The following CAST variants were observed in gnomAD, a reference collection of about 807,000 sequenced individuals.
The protein encoded by CAST is MIR583 host.
Under a neutral mutation model 119.6 loss-of-function variants are expected in CAST, and 76 were observed. The ratio of observed to expected loss-of-function variants is 0.64; its 90% CI spans 0.53 to 0.77. The LOEUF is 0.77. Ranked by LOEUF, CAST falls within the 30% of genes least tolerant of loss-of-function variation. The pLI, the probability that CAST is intolerant of heterozygous loss-of-function variation, is 0.00. For missense variants in CAST, 953 were observed against 946.5 expected (o/e 1.01, Z -0.09); for synonymous variants, 319 against 331.6 (o/e 0.96, Z 0.41).
At chr5:96,410,938 C>T in the CAST span, 5 of 1,613,992 alleles carry the variant, frequency 3.1e-6, no homozygotes, top group African/African-American at 2.7e-5. Flanking sequence ...CCCTGACGCC[C>T]CCCGTTTCCC....
At chr5:96,537,039 T>C (rs1490567493) in intron 1 of CAST, among the ~76,000 whole-genome samples, 1 of 152,226 alleles carries the variant, frequency 6.6e-6, no homozygotes, top group African/African-American at 2.4e-5. Context: ...TTATGTATGG[T>C]CTTGGAGAAA....
chr5:96,110,005 A>G, the CAST span, among the ~76,000 whole-genome samples: 2 of 152,176 alleles, frequency 1.3e-5, no homozygotes, highest in Non-Finnish European at 2.9e-5. Context: ...TTCGGAGTGA[A>G]TGCAAGAAAC....
At chr5:96,255,381 A>G in the CAST span, among the ~76,000 whole-genome samples, 1 of 152,194 alleles carries the variant, frequency 6.6e-6, no homozygotes, top group Non-Finnish European at 1.5e-5. Flanking sequence ...CTTGCTGAAA[A>G]GACGAAAAGT....
At chr5:96,586,477 C>G (rs1337131406) in intron 1 of CAST, among the ~76,000 whole-genome samples, 1 of 152,208 alleles carries the variant, frequency 6.6e-6, no homozygotes, top group African/African-American at 2.4e-5. Context: ...GTTATAGCCA[C>G]AAGACAGAAG....
At chr5:96,452,665 AAG>A in the CAST span, among the ~76,000 whole-genome samples, 4 of 140,060 alleles carry the variant, frequency 2.9e-5, no homozygotes, top group Non-Finnish European at 4.7e-5. Flanking sequence ...AAAAAAAAAA[AAG>A]AGGCCGGGCG....
chr5:96,292,799 A>G, the CAST span, among the ~76,000 whole-genome samples: 1 of 152,210 alleles, frequency 6.6e-6, no homozygotes, highest in Non-Finnish European at 1.5e-5. Flanking sequence ...GAGTCAACAC[A>G]GAGGAAGTGG....
chr5:96,642,691 G>A (rs575804032), intron 1 of CAST, among the ~76,000 whole-genome samples: 4 of 151,950 alleles, frequency 2.6e-5, no homozygotes, highest in South Asian at 2.1e-4. Flanking sequence ...ACAGGCACCC[G>A]GCACCACGCC....
At chr5:96,530,351 T>G (rs1047372841) in intron 1 of CAST, among the ~76,000 whole-genome samples, 6 of 151,968 alleles carry the variant, frequency 3.9e-5, no homozygotes, top group Non-Finnish European at 1.5e-5. Context: ...CCTGCAGAGG[T>G]AAAGAGTCCT....
chr5:96,418,404 T>A, the CAST span, among the ~76,000 whole-genome samples: 1 of 152,196 alleles, frequency 6.6e-6, no homozygotes, highest in Non-Finnish European at 1.5e-5. Flanking sequence ...CCTTGTCACA[T>A]TTGTTATTTA....
intron 1 of CAST, among the ~76,000 whole-genome samples, chr5:96,534,718 A>AAGGAAG (rs879669517): frequency 3.4e-4 from 7 of 20,480 alleles, no homozygotes; most frequent in Admixed American, 7.4e-4. Flanking sequence ...AAGGAAGGAG[A>AAGGAAG]GAGAGAGAGA....
At chr5:96,291,008 T>C in the CAST span, among the ~76,000 whole-genome samples, 1 of 152,200 alleles carries the variant, frequency 6.6e-6, no homozygotes, top group Non-Finnish European at 1.5e-5. Context: ...AGCCACCATG[T>C]TCTGAGGATA....
intron 1 of CAST, among the ~76,000 whole-genome samples, chr5:96,591,274 T>C (rs1305298454): frequency 6.6e-6 from 1 of 152,238 alleles, no homozygotes; most frequent in Admixed American, 6.5e-5. Flanking sequence ...GATGGCTGCC[T>C]GCAAAACACA....
intron 1 of CAST, among the ~76,000 whole-genome samples, chr5:96,564,419 C>T (rs1746433994): frequency 6.6e-6 from 1 of 152,308 alleles, no homozygotes. Context: ...ATTTTGTTTT[C>T]CAGATATTTT....
At chr5:96,339,493 G>A in the CAST span, among the ~76,000 whole-genome samples, 2 of 152,132 alleles carry the variant, frequency 1.3e-5, no homozygotes, top group Non-Finnish European at 2.9e-5. Context: ...AAGAGTGGGA[G>A]AATTAAGTGA....
chr5:96,401,312 A>T, the CAST span, among the ~76,000 whole-genome samples: 2 of 152,256 alleles, frequency 1.3e-5, no homozygotes, highest in Middle Eastern at 3.4e-3. Flanking sequence ...GGAGATAGAG[A>T]AGAAGGCCAC....
chr5:96,751,287 C>A (rs948398224), intron 20 of CAST, among the ~76,000 whole-genome samples: 1 of 152,174 alleles, frequency 6.6e-6, no homozygotes, highest in African/African-American at 2.4e-5. Flanking sequence ...AATTGTATTT[C>A]ATTACTACAG....
At chr5:96,418,328 A>G in the CAST span, among the ~76,000 whole-genome samples, 2 of 152,214 alleles carry the variant, frequency 1.3e-5, no homozygotes, top group South Asian at 2.1e-4. Context: ...CATTTAAACA[A>G]AATGATTTGT....
At chr5:96,292,841 G>T in the CAST span, among the ~76,000 whole-genome samples, 1 of 152,204 alleles carries the variant, frequency 6.6e-6, no homozygotes. Context: ...ACTTAATTCT[G>T]ATGACAGCAG....
chr5:96,728,248 G>A (rs1759659018), intron 6 of CAST: 1 of 152,372 alleles, frequency 6.6e-6, no homozygotes, highest in African/African-American at 2.4e-5. Flanking sequence ...GCACAGGTGA[G>A]GGTGAAAGGT....
Sources: allele counts gnomAD v4.1 joint callset (sites outside exome capture counted in the v4.1 genomes callset), GRCh38; gene constraint gnomAD v4.1.1; transcripts MANE v1.5; gene names NCBI Gene and HGNC (gene_info 2026-07-23, HGNC 2026-07-21).